LHFPL3: variants seen among roughly 807,000 people sequenced by gnomAD.
LHFPL3 encodes LHFPL tetraspan subfamily member 3.
In LHFPL3, 5 loss-of-function variants were observed where a neutral mutation model predicts 19.3. That is an observed-to-expected ratio of 0.26 (90% confidence interval 0.14 to 0.54). LHFPL3 has a LOEUF of 0.54. Ranked by LOEUF, LHFPL3 falls within the 20% of genes least tolerant of loss-of-function variation. LHFPL3 has a pLI of 0.94. For synonymous variants in LHFPL3, 133 were observed against 126.2 expected, an observed-to-expected ratio of 1.05 and a Z score of -0.36; for missense variants, 249 against 307.4, an observed-to-expected ratio of 0.81 and a Z score of 1.42.
At chr7:104,882,021 GA>G (rs1792069188) in intron 2 of LHFPL3, among the ~76,000 whole-genome samples, 1 of 152,178 alleles carries the variant, frequency 6.6e-6, no homozygotes, top group African/African-American at 2.4e-5. Flanking sequence ...TTTGCACTGG[GA>G]AACGAAAACT....
intron 2 of LHFPL3, among the ~76,000 whole-genome samples, chr7:104,902,927 G>GGGCCCAGAT (rs915489218): frequency 6.6e-6 from 1 of 152,178 alleles, no homozygotes; most frequent in Non-Finnish European, 1.5e-5. Context: ...CCCAGGCTGT[G>GGGCCCAGAT]GGCCCAGATG....
chr7:104,654,579 T>G (rs565391460), intron 1 of LHFPL3, among the ~76,000 whole-genome samples: 1 of 152,282 alleles, frequency 6.6e-6, no homozygotes, highest in Non-Finnish European at 1.5e-5. Context: ...GTACCTACCT[T>G]GTGGGAATAT....
chr7:104,452,850 T>C lies in LHFPL3; in HGVS notation c.445+123626T>C, dbSNP rs145132834. ...ATGAAAAGTGTAAACAACTTAAAAG[T>C]CCATCAATAAAGCACTGGTAAATTA... On this transcript the variant is annotated intron_variant, in intron 1 of 2. Transcript: ENST00000424859. Among the ~76,000 whole-genome samples the C allele has an allele frequency of 9.2e-3, 1,397 of 152,268 alleles. 12 individuals carry two copies. Among genetic ancestry groups the C allele is most frequent in the Middle Eastern group, 0.041 (12 of 294 alleles).
chr7:104,567,669 T>G (rs1391372729), intron 1 of LHFPL3, among the ~76,000 whole-genome samples: 1 of 152,076 alleles, frequency 6.6e-6, no homozygotes, highest in Non-Finnish European at 1.5e-5. Flanking sequence ...GTGAAGAAAA[T>G]GATGACTAGG....
chr7:104,872,973 G>T (rs1791865248), intron 2 of LHFPL3, among the ~76,000 whole-genome samples: 1 of 152,198 alleles, frequency 6.6e-6, no homozygotes, highest in Non-Finnish European at 1.5e-5. Context: ...CAGCGCAGTA[G>T]ATTTGTTTAC....
chr7:104,685,465 C>A (rs530551280), intron 1 of LHFPL3, among the ~76,000 whole-genome samples: 4 of 152,312 alleles, frequency 2.6e-5, no homozygotes, highest in African/African-American at 9.6e-5. Flanking sequence ...GACACACACA[C>A]ACATTCAGAG....
chr7:104,449,459 A>G (rs557491445), intron 1 of LHFPL3, among the ~76,000 whole-genome samples: 1 of 152,344 alleles, frequency 6.6e-6, no homozygotes, highest in Non-Finnish European at 1.5e-5. Context: ...AATAATTTAT[A>G]GGCATTGAAG....
chr7:104,410,963 C>G (rs576932884), intron 1 of LHFPL3, among the ~76,000 whole-genome samples: 1 of 152,210 alleles, frequency 6.6e-6, no homozygotes, highest in East Asian at 1.9e-4. Context: ...ACAGGAGTAT[C>G]GTAGGGCCCA....
chr7:104,832,586 C>T (rs573843295), intron 2 of LHFPL3, among the ~76,000 whole-genome samples: 1 of 151,128 alleles, frequency 6.6e-6, no homozygotes, highest in East Asian at 1.9e-4. Context: ...GAGCTTACCA[C>T]CTTGTCTTAG....
At chr7:104,461,893 T>C (rs1792671702) in intron 1 of LHFPL3, among the ~76,000 whole-genome samples, 1 of 152,206 alleles carries the variant, frequency 6.6e-6, no homozygotes, top group South Asian at 2.1e-4. Context: ...GCATGGAATG[T>C]TTTTTCCATT....
At chr7:104,795,977 T>TA (rs36032436) in intron 2 of LHFPL3, among the ~76,000 whole-genome samples, 103,919 of 152,062 alleles carry the variant, frequency 0.68, 35,809 homozygotes, top group East Asian at 0.95. Context: ...AATATGGATC[T>TA]AAAAGCCCAC....
intron 2 of LHFPL3, among the ~76,000 whole-genome samples, chr7:104,817,411 G>C (rs1790575853): frequency 6.6e-6 from 1 of 152,112 alleles, no homozygotes; most frequent in African/African-American, 2.4e-5. Flanking sequence ...AAACAGCAGG[G>C]TTTTCTTGTT....
chr7:104,759,255 T>G (rs973248279), intron 2 of LHFPL3, among the ~76,000 whole-genome samples: 2 of 152,138 alleles, frequency 1.3e-5, no homozygotes, highest in African/African-American at 4.8e-5. Flanking sequence ...TGGGGACTTA[T>G]CCCTCATAGA....
intron 2 of LHFPL3, among the ~76,000 whole-genome samples, chr7:104,872,886 T>C (rs1791862986): frequency 6.6e-6 from 1 of 152,206 alleles, no homozygotes; most frequent in Non-Finnish European, 1.5e-5. Context: ...CCTAAACCAG[T>C]AACACAATCG....
chr7:104,844,713 T>G (rs1330583301), intron 2 of LHFPL3, among the ~76,000 whole-genome samples: 1 of 152,220 alleles, frequency 6.6e-6, no homozygotes, highest in Non-Finnish European at 1.5e-5. Context: ...ATTCTTTCCT[T>G]GTAGAATAAT....
intron 1 of LHFPL3, among the ~76,000 whole-genome samples, chr7:104,734,163 A>C (rs1483818296): frequency 6.6e-6 from 1 of 151,556 alleles, no homozygotes; most frequent in East Asian, 1.9e-4. Context: ...CATTTTTTTC[A>C]TTTCAACTTT....
intron 1 of LHFPL3, among the ~76,000 whole-genome samples, chr7:104,630,701 G>A (rs2115845580): frequency 6.6e-6 from 1 of 152,142 alleles, no homozygotes. Flanking sequence ...TATCAGTCAA[G>A]GTCCAATTAT....
intron 2 of LHFPL3, among the ~76,000 whole-genome samples, chr7:104,784,859 A>G (rs1247479109): frequency 2.0e-5 from 3 of 152,202 alleles, no homozygotes; most frequent in African/African-American, 7.2e-5. Context: ...TGAGGGATCT[A>G]AAGTTGTCAA....
rs1245114537 is a variant in LHFPL3 at position 104,478,917 on chromosome 7, A to G, written c.445+149693A>G. On this transcript the variant is annotated intron_variant, in intron 1 of 2. Transcript: ENST00000424859. The stretch of plus-strand genomic sequence containing the variant: ...GCCCCGGAACACAATTTAGGGGACA[A>G]GAATCTGGCTAAAATAGTCTTTAAG... 3.9e-5 allele frequency among the ~76,000 whole-genome samples: 6 copies of G among 152,332 alleles called. No homozygotes were observed. In the East Asian group the frequency reaches 7.7e-4, roughly 20 times the overall value.
Sources: allele counts gnomAD v4.1 joint callset (sites outside exome capture counted in the v4.1 genomes callset), GRCh38; gene constraint gnomAD v4.1.1; transcripts MANE v1.5; gene names NCBI Gene and HGNC (gene_info 2026-07-23, HGNC 2026-07-21).